The following SYNDIG1 variants were observed in gnomAD, a reference collection of about 807,000 sequenced individuals.
SYNDIG1 encodes synapse differentiation-inducing gene protein 1.
Under a neutral mutation model 19.4 loss-of-function variants are expected in SYNDIG1, and 9 were observed. The ratio of observed to expected loss-of-function variants is 0.46; its 90% CI spans 0.28 to 0.81. The LOEUF is 0.81. Among genes scored for constraint, SYNDIG1 ranks in the 30% least tolerant of loss-of-function variants. The pLI, the probability that SYNDIG1 is intolerant of heterozygous loss-of-function variation, is 0.12. For synonymous variants in SYNDIG1, 141 were observed against 145.9 expected, an observed-to-expected ratio of 0.97 and a Z score of 0.24; for missense variants, 311 against 343.3, an observed-to-expected ratio of 0.91 and a Z score of 0.74.
chr20:24,540,455 T>G (rs1476560504), intron 1 of SYNDIG1, among the ~76,000 whole-genome samples: 2 of 152,212 alleles, frequency 1.3e-5, no homozygotes, highest in African/African-American at 4.8e-5. Context: ...TTTGCCTTGT[T>G]CTTGATGTTA....
chr20:24,472,597 T>C (rs558982343), intron 1 of SYNDIG1, among the ~76,000 whole-genome samples: 6 of 152,248 alleles, frequency 3.9e-5, no homozygotes, highest in Non-Finnish European at 8.8e-5. Flanking sequence ...TTTCATTGTC[T>C]AATTAGAAAA....
rs1436641582 is a variant in SYNDIG1, at chr20:24,637,686, A to ACT, written c.619-27660_619-27659insCT. Among the ~76,000 whole-genome samples the ACT allele has an allele frequency of 4.6e-5, 7 of 152,380 alleles. No individual in the cohort carries two copies. The East Asian group carries it at 1.4e-3, about 29-fold the overall frequency. ...GCCAGAAACAGAACAGGCAAAGAGC[A>ACT]GAGCAGGTGCTCTGCCAGCAGGCAC... On this transcript the variant is annotated intron_variant, in intron 3 of 3. Coordinates refer to ENST00000376862, the MANE Select transcript of SYNDIG1 (RefSeq NM_024893.3).
chr20:24,513,770 G>C (rs1057354657), intron 1 of SYNDIG1, among the ~76,000 whole-genome samples: 2 of 152,148 alleles, frequency 1.3e-5, no homozygotes, highest in Non-Finnish European at 2.9e-5. Flanking sequence ...AGGAAATACA[G>C]AGAGTGCCAC....
intron 2 of SYNDIG1, among the ~76,000 whole-genome samples, chr20:24,562,449 C>G (rs1410373803): frequency 6.6e-6 from 1 of 152,102 alleles, no homozygotes; most frequent in Non-Finnish European, 1.5e-5. Flanking sequence ...TATAATAACT[C>G]ATTTAAATGT....
At chr20:24,577,716 A>C (rs2058252962) in intron 2 of SYNDIG1, among the ~76,000 whole-genome samples, 2 of 152,214 alleles carry the variant, frequency 1.3e-5, no homozygotes, top group African/African-American at 2.4e-5. Context: ...TCCTGTCCTC[A>C]GTTGCCCTGG....
intron 3 of SYNDIG1, among the ~76,000 whole-genome samples, chr20:24,625,859 G>A (rs2059117698): frequency 6.6e-6 from 1 of 152,278 alleles, no homozygotes; most frequent in Non-Finnish European, 1.5e-5. Context: ...ATCATGGCCT[G>A]TTCTCAATGA....
At chr20:24,473,282 T>C (rs182375327) in intron 1 of SYNDIG1, among the ~76,000 whole-genome samples, 135 of 152,318 alleles carry the variant, frequency 8.9e-4, no homozygotes, top group African/African-American at 3.2e-3. Flanking sequence ...ATAGAAGTTT[T>C]TGGAGCCTTA....
chr20:24,506,666 A>G lies in SYNDIG1; in HGVS notation c.-78-36354A>G, dbSNP rs905432258. Among the ~76,000 whole-genome samples, 13 of 152,312 alleles carry G rather than the reference A, an allele frequency of 8.5e-5. No individual in the cohort carries two copies. The East Asian group carries it at 2.5e-3, about 29-fold the overall frequency. On this transcript the variant is annotated intron_variant, in intron 1 of 3. Coordinates refer to ENST00000376862, the MANE Select transcript of SYNDIG1 (RefSeq NM_024893.3). ...GTGGGCCTAATCTGGGATGGGCCAC[A>G]TCTAAAATAAAAGCTCCCATGGGTT...
chr20:24,565,659 G>C (rs575081277), intron 2 of SYNDIG1, among the ~76,000 whole-genome samples: 3 of 152,192 alleles, frequency 2.0e-5, no homozygotes, highest in Non-Finnish European at 4.4e-5. Context: ...TGCTTTAGCC[G>C]TTTAAAAATG....
At chr20:24,546,785 AT>A (rs913207433) in intron 2 of SYNDIG1, among the ~76,000 whole-genome samples, 18 of 149,914 alleles carry the variant, frequency 1.2e-4, no homozygotes, top group Admixed American at 6.0e-4. Flanking sequence ...TTTTGGCATC[AT>A]TTTTTTTTTC....
chr20:24,660,040 G>A (rs980738662), intron 3 of SYNDIG1, among the ~76,000 whole-genome samples: 1 of 152,156 alleles, frequency 6.6e-6, no homozygotes, highest in African/African-American at 2.4e-5. Context: ...GTAGATAATA[G>A]GATGCCGAGT....
intron 1 of SYNDIG1, among the ~76,000 whole-genome samples, chr20:24,492,750 G>A (rs961111816): frequency 6.6e-6 from 1 of 152,174 alleles, no homozygotes; most frequent in East Asian, 1.9e-4. Flanking sequence ...CCACCTGCAC[G>A]CCCATCCCCC....
intron 3 of SYNDIG1, among the ~76,000 whole-genome samples, chr20:24,610,559 T>C (rs1312103500): frequency 6.6e-6 from 1 of 152,236 alleles, no homozygotes; most frequent in Non-Finnish European, 1.5e-5. Context: ...CTCAGATTTA[T>C]GCATTGCCTG....
intron 3 of SYNDIG1, among the ~76,000 whole-genome samples, chr20:24,592,803 G>A (rs540796606): frequency 6.6e-6 from 1 of 152,012 alleles, no homozygotes; most frequent in Non-Finnish European, 1.5e-5. Context: ...GTAGAGATGG[G>A]GATCTCTCTT....
chr20:24,496,555 A>C (rs1041352781), intron 1 of SYNDIG1, among the ~76,000 whole-genome samples: 3 of 152,176 alleles, frequency 2.0e-5, no homozygotes, highest in African/African-American at 7.2e-5. Context: ...ACTCTTACTG[A>C]CCAGGTTTGT....
chr20:24,522,640 C>G (rs183452267), intron 1 of SYNDIG1, among the ~76,000 whole-genome samples: 1 of 152,144 alleles, frequency 6.6e-6, no homozygotes, highest in Non-Finnish European at 1.5e-5. Flanking sequence ...TCTCTCTTCC[C>G]CATTGGCCTT....
At chr20:24,547,002 C>T (rs2057590692) in intron 2 of SYNDIG1, among the ~76,000 whole-genome samples, 1 of 152,220 alleles carries the variant, frequency 6.6e-6, no homozygotes, top group African/African-American at 2.4e-5. Context: ...AAGCCATTGC[C>T]CTGGTTCAGA....
At chr20:24,496,193 C>G (rs1199098903) in intron 1 of SYNDIG1, among the ~76,000 whole-genome samples, 4 of 152,170 alleles carry the variant, frequency 2.6e-5, no homozygotes, top group Admixed American at 2.6e-4. Flanking sequence ...TCAGGAGCAG[C>G]AAGAGAGGGA....
Position 24,643,407 on chromosome 20 carries a change from C to T in SYNDIG1, c.619-21939C>T, listed in dbSNP as rs561244884. On this transcript the variant is annotated intron_variant, in intron 3 of 3. Transcript: ENST00000376862. ...GCAGTAACTTTATCAGCTAGAGTGC[C>T]GTGTTCATGAGAAGTAACTTTATCA... 1.9e-3 allele frequency among the ~76,000 whole-genome samples: 293 copies of T among 151,920 alleles called. 3 individuals carry two copies. Among genetic ancestry groups the T allele is most frequent in the African/African-American group, 6.8e-3 (282 of 41,404 alleles).
Sources: gnomAD v4.1 joint callset for allele counts (sites outside exome capture counted in the v4.1 genomes callset) on GRCh38, gnomAD v4.1.1 for gene constraint, MANE v1.5 for transcripts, NCBI Gene and HGNC (gene_info 2026-07-23, HGNC 2026-07-21) for gene names.